The following KIF1A variants were observed in gnomAD, a reference collection of about 807,000 sequenced individuals.
KIF1A encodes kinesin family member 1A, also known as kinesin-like protein KIF1A.
KIF1A carries 46 observed loss-of-function variants against 227.3 expected under a neutral mutation model. That is an observed-to-expected ratio of 0.20 (90% CI 0.16 to 0.26). KIF1A has a LOEUF of 0.26. Among genes scored for constraint, KIF1A ranks in the 10% least tolerant of loss-of-function variants. KIF1A has a pLI of 1.00. For missense variants in KIF1A, 1,683 were observed against 2,485.9 expected (o/e 0.68, Z 6.87); for synonymous variants, 1,022 against 1,012.8 (o/e 1.01, Z -0.17).
chr2:240,798,004 G>A (rs2056589602), intron 1 of KIF1A, 192 bp from the exon 2 acceptor site: 1 of 416,514 alleles, frequency 2.4e-6, no homozygotes, highest in East Asian at 3.9e-5. Flanking sequence ...AGCGGGACCA[G>A]TGGAACCCAG....
chr2:240,812,875 A>ACCTCAAGGATCCGCCTTCAC (rs369796711), intron 1 of KIF1A, among the ~76,000 whole-genome samples: 1 of 63,192 alleles, frequency 1.6e-5, no homozygotes, highest in African/African-American at 8.6e-5. Context: ...ATCAGCCTTC[A>ACCTCAAGGATCCGCCTTCAC]CTCGGGGATC....
chr2:240,808,875 C>T (rs1015941239), intron 1 of KIF1A, among the ~76,000 whole-genome samples: 2 of 151,898 alleles, frequency 1.3e-5, no homozygotes, highest in Non-Finnish European at 2.9e-5. Flanking sequence ...GGATTACAGG[C>T]GCCCACCACC....
intron 42 of KIF1A, among the ~76,000 whole-genome samples, chr2:240,723,073 C>G (rs371560809): frequency 2.6e-5 from 4 of 152,226 alleles, no homozygotes; most frequent in Non-Finnish European, 5.9e-5. Context: ...TGCCTAGATG[C>G]TGCATGTTGG....
At chr2:240,741,753 G>C (rs796343131) in intron 34 of KIF1A, among the ~76,000 whole-genome samples, 3 of 152,260 alleles carry the variant, frequency 2.0e-5, no homozygotes, top group East Asian at 3.9e-4. Context: ...ATGCTGCCAG[G>C]CCCATTGCCT....
chr2:240,741,184 C>T (rs977934071), intron 35 of KIF1A, 85 bp downstream of exon 35: 4 of 901,662 alleles, frequency 4.4e-6, no homozygotes, highest in Non-Finnish European at 6.9e-6. Context: ...ATGCTGGCAA[C>T]CCTCAGGCAG....
intron 20 of KIF1A, among the ~76,000 whole-genome samples, chr2:240,764,386 C>T (rs750848767): frequency 5.9e-5 from 9 of 152,288 alleles, no homozygotes; most frequent in East Asian, 3.9e-4. Context: ...TCTCTCTGTC[C>T]GTCTGACCAG....
At position 240,777,280 on chromosome 2, in the gene KIF1A, G is replaced by A. The variant is rs182861072; in HGVS notation, c.883-1354C>T. 7.1e-3 allele frequency among the ~76,000 whole-genome samples: 1,077 copies of A among 152,284 alleles called. 16 individuals carry two copies. Among genetic ancestry groups the A allele is most frequent in the African/African-American group, 0.025 (1,056 of 41,536 alleles). On this transcript the variant is annotated intron_variant, in intron 10 of 48. Coordinates refer to ENST00000498729, the MANE Select transcript of KIF1A (RefSeq NM_001244008.2). Reference sequence around the variant, plus strand: ...AGGATGGTCTCGATCTCTTGACCTCGTGATCCACCCACCTCGGGCTCCCAA... The same window carrying A: ...AGGATGGTCTCGATCTCTTGACCTCATGATCCACCCACCTCGGGCTCCCAA...
rs190055193 is a variant in KIF1A, at chr2:240,815,303, C to T, written c.-61+4819G>A. Among the ~76,000 whole-genome samples the T allele has an allele frequency of 1.5e-3, 230 of 152,334 alleles. 1 individual carries two copies. Among genetic ancestry groups the T allele is most frequent in the African/African-American group, 5.4e-3 (226 of 41,592 alleles). ...ACAGATGGAGAAGGAAACTGAGGCCCACCCTCAGGTGGGCCTTTCTGGCAG... is the reference window on the plus strand; with the variant it reads ...ACAGATGGAGAAGGAAACTGAGGCCTACCCTCAGGTGGGCCTTTCTGGCAG... On this transcript the variant is annotated intron_variant, in intron 1 of 48. Transcript: ENST00000498729.
rs1161524197 is a variant in KIF1A, at chr2:240,715,940, C to A, written c.*1424G>T. The stretch of plus-strand genomic sequence containing the variant: ...TGTCTTTCCTTGAGCTAAAAAGAGA[C>A]CAAATCGACCTGTGGGTGTGGGTGG... On this transcript the variant is annotated 3_prime_UTR_variant, in exon 49 of 49. Coordinates refer to ENST00000498729, the MANE Select transcript of KIF1A (RefSeq NM_001244008.2). 1 of 152,280 alleles carries A rather than the reference C, an allele frequency of 6.6e-6. No homozygotes were observed. Among genetic ancestry groups the A allele is most frequent in the Admixed American group, 6.5e-5 (1 of 15,268 alleles). The allele number at this position is 152,280 out of a possible 1,614,324, so 9.4% of individuals were successfully genotyped here.
intron 34 of KIF1A, among the ~76,000 whole-genome samples, chr2:240,742,585 C>T (rs1003544864): frequency 4.6e-5 from 7 of 152,288 alleles, no homozygotes; most frequent in African/African-American, 1.7e-4. Flanking sequence ...GCCTCAGACC[C>T]CCGTGAAGGA....
intron 48 of KIF1A, among the ~76,000 whole-genome samples, chr2:240,717,794 A>G (rs1350849113): frequency 6.6e-6 from 1 of 152,232 alleles, no homozygotes; most frequent in East Asian, 1.9e-4. Flanking sequence ...CCCAGCCCAC[A>G]TAAGTGAGGG....
rs2056042026 is a variant in KIF1A at position 240,793,764 on chromosome 2, C to T, written c.106+3883G>A. ...ATTTACTTTCAAATGCTTCCAATTT[C>T]TGCGTCACAGCGGAGCTACAAGGCA... On this transcript the variant is annotated intron_variant, in intron 2 of 48. Transcript: ENST00000498729. This position sits in a 1 kb window ranked among gnomAD's most constrained non-coding sequence, Gnocchi z 4.8. 6.6e-6 allele frequency among the ~76,000 whole-genome samples: 1 copy of T among 152,244 alleles called. No homozygotes were observed. Among genetic ancestry groups the T allele is most frequent in the Non-Finnish European group, 1.5e-5 (1 of 68,040 alleles).
rs552772295 is a variant in KIF1A at position 240,778,023 on chromosome 2, G to A, written c.883-2097C>T. On this transcript the variant is annotated intron_variant, in intron 10 of 48. Transcript: ENST00000498729. This position sits in a 1 kb window ranked among gnomAD's most constrained non-coding sequence, Gnocchi z 7.2. The stretch of plus-strand genomic sequence containing the variant: ...TCGCCGTTCCCCGCACGGTTCCCAC[G>A]CGGCTGCTCGCAGCTCACCACACAG... 7.2e-5 allele frequency among the ~76,000 whole-genome samples: 11 copies of A among 152,034 alleles called. No homozygotes were observed. Among genetic ancestry groups the A allele is most frequent in the African/African-American group, 1.2e-4 (5 of 41,382 alleles).
At chr2:240,753,934 G>C (rs889142244) in intron 27 of KIF1A, among the ~76,000 whole-genome samples, 1 of 152,150 alleles carries the variant, frequency 6.6e-6, no homozygotes. Context: ...CCTACTTCTA[G>C]GGCCAGGGTT....
intron 1 of KIF1A, among the ~76,000 whole-genome samples, chr2:240,819,907 T>C (rs1026344512): frequency 6.6e-6 from 1 of 152,166 alleles, no homozygotes; most frequent in Non-Finnish European, 1.5e-5. Context: ...CGGACACCCC[T>C]GAATTTCCCC....
At chr2:240,819,262 C>G (rs2058547612) in intron 1 of KIF1A, among the ~76,000 whole-genome samples, 1 of 152,158 alleles carries the variant, frequency 6.6e-6, no homozygotes, top group Admixed American at 6.5e-5. Flanking sequence ...ACTGTTCCTT[C>G]GTGTCATCCG....
At chr2:240,783,244 TG>T (rs2054300351) in intron 8 of KIF1A, 135 bp from the exon 9 acceptor site, 1 of 754,780 alleles carries the variant, frequency 1.3e-6, no homozygotes, top group African/African-American at 1.7e-5. Flanking sequence ...TGGGGCCACT[TG>T]GGCGTGGGGT....
intron 20 of KIF1A, 74 bp from the exon 21 acceptor site, chr2:240,763,420 G>T: frequency 1.4e-6 from 2 of 1,414,786 alleles, no homozygotes; most frequent in Non-Finnish European, 1.9e-6. Flanking sequence ...GCGGGGAGGC[G>T]TGAGGAGAAA....
At chr2:240,723,596 G>A (rs1445111534) in intron 41 of KIF1A, 38 bp from the exon 42 acceptor site, 7 of 1,507,278 alleles carry the variant, frequency 4.6e-6, no homozygotes, top group Non-Finnish European at 6.3e-6. Flanking sequence ...CCTACCTGAT[G>A]GGTGGCTGCT....
Sources: allele counts gnomAD v4.1 joint callset (sites outside exome capture counted in the v4.1 genomes callset), GRCh38; gene constraint gnomAD v4.1.1; non-coding constraint Gnocchi (gnomAD v3.1); transcripts MANE v1.5; gene names NCBI Gene and HGNC (gene_info 2026-07-23, HGNC 2026-07-21).